AP2A1: variants seen among roughly 807,000 people sequenced by gnomAD.
AP2A1 encodes adaptor related protein complex 2 subunit alpha 1.
Under a neutral mutation model 107.3 loss-of-function variants are expected in AP2A1, and 21 were observed. The observed-to-expected ratio is 0.20, with a 90% CI of 0.14 to 0.28. The LOEUF (loss-of-function observed/expected upper bound fraction) is 0.28, where lower values mean the gene tolerates loss of function less well. Among genes scored for constraint, AP2A1 ranks in the 10% least tolerant of loss-of-function variants. The pLI is 1.00. For synonymous variants in AP2A1, 602 were observed against 564.8 expected, an observed-to-expected ratio of 1.07 and a Z score of -0.93; for missense variants, 873 against 1,307.7, an observed-to-expected ratio of 0.67 and a Z score of 5.13.
At chr19:49,774,101 GTC>G (rs1233905205) in intron 1 of AP2A1, among the ~76,000 whole-genome samples, 1 of 152,214 alleles carries the variant, frequency 6.6e-6, no homozygotes, top group African/African-American at 2.4e-5. Flanking sequence ...AGCACAGGAA[GTC>G]AAACAGATTT....
chr19:49,767,309 T>G (rs1600209524), intron 1 of AP2A1, 109 bp downstream of exon 1: 5 of 1,345,974 alleles, frequency 3.7e-6, no homozygotes, highest in Non-Finnish European at 5.2e-6. Context: ...TCTGCGGCCG[T>G]ATAGGGACAG....
intron 6 of AP2A1, 70 bp downstream of exon 6, chr19:49,793,162 GC>G: frequency 1.5e-6 from 2 of 1,375,950 alleles, no homozygotes; most frequent in Non-Finnish European, 2.0e-6. Context: ...CACCCCTCAG[GC>G]CCCCACTCTC....
At position 49,805,731 on chromosome 19, in the gene AP2A1, G is replaced by A; in HGVS notation, c.2539G>A (p.Glu847Lys). The A allele has an allele frequency of 6.3e-7, 1 of 1,580,752 alleles. No homozygotes were observed. The highest frequency in any genetic ancestry group is 8.6e-7 in the Non-Finnish European group (1 of 1,164,752). The change falls in exon 20 of 23, where the codon GAG becomes AAG. Residue 847 changes from glutamate to lysine, a missense_variant. Transcript: ENST00000354293. ...CATCAACAAGTTCTTCCAGCCCACC[G>A]AGATGGCGGCCCAGGATTTCTTCCA... ...VTINKFFQPTEMAAQDFFQRW... is the reference protein window; with the variant it reads ...VTINKFFQPTKMAAQDFFQRW...
In AP2A1 at chr19:49,779,033, C is replaced by CAA. The variant is rs35911768; in HGVS notation, c.68-2708_68-2707dup. 2.4e-3 allele frequency among the ~76,000 whole-genome samples: 288 copies of CAA among 120,932 alleles called. 2 individuals carry two copies. Among genetic ancestry groups the CAA allele is most frequent in the Middle Eastern group, 4.1e-3 (1 of 242 alleles). The allele number at this position is 120,932 out of a possible 152,430, so 79.3% of individuals were successfully genotyped here. ...CAACATAGTAAGACCTCATTGCTACCAAAAAAAAAAAAAAAAATTAGGGCT... is the reference window on the plus strand; with the variant it reads ...CAACATAGTAAGACCTCATTGCTACCAAAAAAAAAAAAAAAAAAATTAGGGCT... On this transcript the variant is annotated intron_variant, in intron 1 of 22. Transcript: ENST00000354293.
Position 49,785,171 on chromosome 19 carries a change from G to C in AP2A1, c.473+2447G>C, listed in dbSNP as rs1226173560. Among the ~76,000 whole-genome samples, 1 of 152,206 alleles carries C rather than the reference G, an allele frequency of 6.6e-6. No individual in the cohort carries two copies. Among genetic ancestry groups the C allele is most frequent in the Non-Finnish European group, 1.5e-5 (1 of 68,030 alleles). On this transcript the variant is annotated intron_variant, in intron 4 of 22. Coordinates refer to ENST00000354293, the MANE Select transcript of AP2A1 (RefSeq NM_130787.3). This position sits in a 1 kb window ranked among gnomAD's most constrained non-coding sequence, Gnocchi z 4.1. ...TGGTTGAAAATATTCCAGAATGGAT[G>C]AAAGAGGCTGATCCCCAGATTCAAA...
At chr19:49,806,551 C>T in intron 22 of AP2A1, 130 bp from the exon 23 acceptor site, 4 of 1,488,642 alleles carry the variant, frequency 2.7e-6, no homozygotes, top group South Asian at 1.4e-5. Flanking sequence ...TTCAGTCTTA[C>T]ATTTTTCTCT....
At chr19:49,776,971 C>G (rs1229966202) in intron 1 of AP2A1, among the ~76,000 whole-genome samples, 1 of 152,028 alleles carries the variant, frequency 6.6e-6, no homozygotes, top group Non-Finnish European at 1.5e-5. Flanking sequence ...TGCCTGTAAT[C>G]CTAGCACTTT....
chr19:49,802,303 G>A, intron 15 of AP2A1, 162 bp downstream of exon 15: 1 of 822,154 alleles, frequency 1.2e-6, no homozygotes, highest in South Asian at 1.4e-5. Flanking sequence ...CCCTGCCCCA[G>A]CCTCCCTGCT....
At chr19:49,794,013 G>A (rs1294507559) in intron 6 of AP2A1, among the ~76,000 whole-genome samples, 2 of 140,286 alleles carry the variant, frequency 1.4e-5, no homozygotes. Context: ...CCATTCTCCA[G>A]CCTTAGCCTC....
intron 1 of AP2A1, among the ~76,000 whole-genome samples, chr19:49,776,336 G>C (rs943459528): frequency 1.3e-5 from 2 of 152,086 alleles, no homozygotes; most frequent in African/African-American, 4.8e-5. Flanking sequence ...TTTCTGCCTG[G>C]TCCATTTCAG....
At position 49,806,896 on chromosome 19, in the gene AP2A1, C is replaced by G. The variant is rs1326453612; in HGVS notation, c.*138C>G. The G allele has an allele frequency of 1.3e-6, 2 of 1,542,268 alleles. No homozygotes were observed. Among genetic ancestry groups the G allele is most frequent in the African/African-American group, 2.7e-5 (2 of 72,944 alleles). On this transcript the variant is annotated 3_prime_UTR_variant, in exon 23 of 23. Coordinates refer to ENST00000354293, the MANE Select transcript of AP2A1 (RefSeq NM_130787.3). ...GGGATGCCTGGGACTTTCCTCCGGC[C>G]TTTTGTATTTTTATTTTTGTTCATC...
chr19:49,782,704 C>G lies in AP2A1; in HGVS notation c.453C>G (p.Ile151Met), dbSNP rs750005661. The change falls in exon 4 of 23, where the codon ATC becomes ATG. Residue 151 changes from isoleucine to methionine, a missense_variant. Ile to Met is a conservative substitution (Grantham distance 10). Transcript: ENST00000354293. Reference sequence around the variant, plus strand: ...TGGGCGAGGCCTTTGCCGCTGACATCCCCCGCATCCTGGTGGCCGGGTAAG... The same window carrying G: ...TGGGCGAGGCCTTTGCCGCTGACATGCCCCGCATCCTGGTGGCCGGGTAAG... Reference protein sequence around the residue: ...REMGEAFAADIPRILVAGDSM... With the variant: ...REMGEAFAADMPRILVAGDSM... 9 of 1,605,526 alleles carry G rather than the reference C, an allele frequency of 5.6e-6. No homozygotes were observed. The South Asian group carries it at 1.0e-4, about 18-fold the overall frequency.
chr19:49,772,743 G>A (rs1270072965), intron 1 of AP2A1, among the ~76,000 whole-genome samples: 1 of 151,440 alleles, frequency 6.6e-6, no homozygotes, highest in African/African-American at 2.4e-5. Context: ...CTCGTGATCC[G>A]CCCGTCTCGG....
At chr19:49,773,404 G>T (rs2084585385) in intron 1 of AP2A1, among the ~76,000 whole-genome samples, 1 of 152,212 alleles carries the variant, frequency 6.6e-6, no homozygotes, top group Non-Finnish European at 1.5e-5. Flanking sequence ...CACTGCAGTG[G>T]TGACATCGAG....
chr19:49,783,427 G>A (rs186959364), intron 4 of AP2A1, among the ~76,000 whole-genome samples: 2 of 152,164 alleles, frequency 1.3e-5, no homozygotes, highest in African/African-American at 4.8e-5. Context: ...GGAGGCCTAG[G>A]CTGCAATGAG....
chr19:49,801,727 G>A lies in AP2A1; in HGVS notation c.1791G>A (p.Thr597=), dbSNP rs1308166396. ...CCCCACCCCGACCGCGCCAGGCCACGGTGCTGGAGGAGATGCCGCCCTTCC... is the reference window on the plus strand; with the variant it reads ...CCCCACCCCGACCGCGCCAGGCCACAGTGCTGGAGGAGATGCCGCCCTTCC... The part of the protein sequence containing the change: ...SSVASTDVLA[T]VLEEMPPFPE... The change falls in exon 14 of 23, where the codon ACG becomes ACA. Residue 597 remains threonine (T), a synonymous_variant. Coordinates refer to ENST00000354293, the MANE Select transcript of AP2A1 (RefSeq NM_130787.3). The A allele has an allele frequency of 4.2e-6, 6 of 1,424,838 alleles. No homozygotes were observed. Among genetic ancestry groups the A allele is most frequent in the South Asian group, 1.2e-5 (1 of 82,566 alleles). 88.3% of individuals were successfully genotyped at this position (1,424,838 alleles called of 1,614,324 possible). A position where few individuals can be genotyped will look rare whatever the true frequency, so the allele number is the denominator to read the frequency against.
chr19:49,799,907 C>T, intron 10 of AP2A1, 61 bp from the exon 11 acceptor site: 4 of 1,590,040 alleles, frequency 2.5e-6, no homozygotes, highest in Middle Eastern at 1.7e-4. Context: ...AGCCCAGATC[C>T]AGGTGAGTGA....
rs1405050313 is a variant in AP2A1 at position 49,767,277 on chromosome 19, G to C, written c.67+77G>C. 3 of 1,548,050 alleles carry C rather than the reference G, an allele frequency of 1.9e-6. No homozygotes were observed. In the African/African-American group the frequency reaches 4.1e-5, roughly 21 times the overall value. On this transcript the variant is annotated intron_variant, in intron 1 of 22. Coordinates refer to ENST00000354293, the MANE Select transcript of AP2A1 (RefSeq NM_130787.3). ...AATTGAGGGGTTTGGGGATCACAGA[G>C]GGACCCGGGGGATCAAAAGCCTCTG...
chr19:49,801,495 C>T lies in AP2A1; in HGVS notation c.1659C>T (p.Pro553=), dbSNP rs201965025. The T allele has an allele frequency of 3.7e-5, 60 of 1,613,680 alleles. No homozygotes were observed. The highest frequency in any genetic ancestry group is 1.8e-4 in the South Asian group (16 of 91,082). Residue 553 remains proline, a synonymous_variant, in exon 13 of 23, where the codon CCC becomes CCT. Coordinates refer to ENST00000354293, the MANE Select transcript of AP2A1 (RefSeq NM_130787.3). ...STYIKFINLF[P]ETKATIQGVL... is the part of the protein sequence containing the mutation. ...ACATCAAGTTCATCAACCTCTTCCC[C>T]GAGACCAAGGCCACCATCCAGGGCG...
Sources: allele counts gnomAD v4.1 joint callset (sites outside exome capture counted in the v4.1 genomes callset), GRCh38; gene constraint gnomAD v4.1.1; non-coding constraint Gnocchi (gnomAD v3.1); transcripts MANE v1.5; gene names NCBI Gene and HGNC (gene_info 2026-07-23, HGNC 2026-07-21).